The following THRAP3 variants were observed in gnomAD, a reference collection of about 807,000 sequenced individuals.
The protein encoded by THRAP3 is thyroid hormone receptor associated protein 3.
In THRAP3, 16 loss-of-function variants were observed where a neutral mutation model predicts 101.0. The observed-to-expected ratio is 0.16, with a 90% confidence interval of 0.11 to 0.24. THRAP3 has a LOEUF of 0.24. Among genes scored for constraint, THRAP3 ranks in the 10% least tolerant of loss-of-function variants. The pLI is 1.00. For missense variants in THRAP3, 989 were observed against 1,202.7 expected, an observed-to-expected ratio of 0.82 and a Z score of 2.63; for synonymous variants, 407 against 422.6, an observed-to-expected ratio of 0.96 and a Z score of 0.45.
At chr1:36,231,060 A>G (rs560057647) in intron 1 of THRAP3, among the ~76,000 whole-genome samples, 31 of 152,090 alleles carry the variant, frequency 2.0e-4, no homozygotes, top group African/African-American at 2.4e-4. Context: ...TTACTTGTCT[A>G]TTTTCCATCT....
intron 1 of THRAP3, among the ~76,000 whole-genome samples, chr1:36,250,932 A>G (rs746576221): frequency 2.6e-5 from 4 of 151,326 alleles, no homozygotes; most frequent in Non-Finnish European, 5.9e-5. Context: ...TTTTTAGTAG[A>G]GATGGGGTTT....
chr1:36,237,898 T>C (rs750599906), intron 1 of THRAP3, among the ~76,000 whole-genome samples: 4 of 152,232 alleles, frequency 2.6e-5, no homozygotes, highest in Admixed American at 6.5e-5. Context: ...CATAGCTGAC[T>C]GTAGCCTCAA....
At chr1:36,240,424 TGAGA>T (rs957122138) in intron 1 of THRAP3, among the ~76,000 whole-genome samples, 4 of 152,128 alleles carry the variant, frequency 2.6e-5, no homozygotes, top group Admixed American at 2.6e-4. Flanking sequence ...TGTCACAGCA[TGAGA>T]GAGAGAGCAG....
At chr1:36,234,777 CCTCTT>C (rs1645065696) in intron 1 of THRAP3, among the ~76,000 whole-genome samples, 1 of 148,730 alleles carries the variant, frequency 6.7e-6, no homozygotes, top group Non-Finnish European at 1.5e-5. Context: ...ACCTAGCTTG[CCTCTT>C]CTCTTCCTTT....
At position 36,282,524 on chromosome 1, in the gene THRAP3, T is replaced by C; in HGVS notation, c.-31-9T>C. 2 of 1,593,936 alleles carry C rather than the reference T, an allele frequency of 1.3e-6. No individual in the cohort carries two copies. The highest frequency in any genetic ancestry group is 2.2e-5 in the East Asian group (1 of 44,592). On this transcript the variant is annotated splice_polypyrimidine_tract_variant and intron_variant, in intron 2 of 11. Coordinates refer to ENST00000354618, the MANE Select transcript of THRAP3 (RefSeq NM_005119.4). The stretch of plus-strand genomic sequence containing the variant: ...CACTCATTTGTTCTAATGCATTTTC[T>C]TACATTAGGTGTAATTGAAAAGTGA...
chr1:36,250,807 C>T (rs747736983), intron 1 of THRAP3, among the ~76,000 whole-genome samples: 20 of 151,910 alleles, frequency 1.3e-4, no homozygotes, highest in Non-Finnish European at 2.5e-4. Flanking sequence ...CATCTATTGG[C>T]GCAATCTCAG....
the THRAP3 span, among the ~76,000 whole-genome samples, chr1:36,210,655 A>C: frequency 1.1e-5 from 1 of 91,326 alleles, no homozygotes; most frequent in Admixed American, 1.2e-4. Flanking sequence ...GCTCCACTGC[A>C]CTCTAGCCTG....
intron 1 of THRAP3, among the ~76,000 whole-genome samples, 183 bp from the exon 2 acceptor site, chr1:36,259,199 G>A (rs1271625808): frequency 1.3e-5 from 2 of 152,170 alleles, no homozygotes; most frequent in Admixed American, 6.5e-5. Flanking sequence ...ACTGTAGGAG[G>A]TTAGATGAAT....
rs1012167942 is a variant in THRAP3 at position 36,293,948 on chromosome 1, T to A, written c.2115+13T>A. The A allele has an allele frequency of 1.1e-5, 18 of 1,611,540 alleles. No homozygotes were observed. Among genetic ancestry groups the A allele is most frequent in the Non-Finnish European group, 1.5e-5 (18 of 1,178,008 alleles). ...ACCTGGCTACAAGGTGAACTGTTGA[T>A]TTGATCAGTAATTCCAACAAAATGA... On this transcript the variant is annotated intron_variant, in intron 8 of 11. Transcript: ENST00000354618.
At chr1:36,298,416 G>A (rs925956866) in intron 9 of THRAP3, among the ~76,000 whole-genome samples, 6 of 152,154 alleles carry the variant, frequency 3.9e-5, no homozygotes, top group African/African-American at 1.2e-4. Flanking sequence ...TCCTCTCCCT[G>A]GAACACATGC....
intron 7 of THRAP3, 41 bp downstream of exon 7, chr1:36,292,750 C>A (rs372972026): frequency 3.1e-5 from 45 of 1,474,636 alleles, no homozygotes; most frequent in Non-Finnish European, 4.2e-5. Flanking sequence ...TAATAAAAGA[C>A]TTTGTATCAG....
At chr1:36,261,069 T>C (rs1214198973) in intron 2 of THRAP3, among the ~76,000 whole-genome samples, 1 of 152,154 alleles carries the variant, frequency 6.6e-6, no homozygotes, top group Non-Finnish European at 1.5e-5. Flanking sequence ...GTGTAAATCT[T>C]CCACAATACA....
Position 36,304,118 on chromosome 1 carries a change from T to C in THRAP3, c.*101T>C, listed in dbSNP as rs1347127834. 3 of 1,421,134 alleles carry C rather than the reference T, an allele frequency of 2.1e-6. No homozygotes were observed. The highest frequency in any genetic ancestry group is 3.0e-5 in the Admixed American group (1 of 32,854). 88.0% of individuals were successfully genotyped at this position (1,421,134 alleles called of 1,614,324 possible). ...AACCTCAAGAAGATTCTGAAAATCC[T>C]ACCCCCACCCCCCACCAGCCGCACA... On this transcript the variant is annotated 3_prime_UTR_variant, in exon 12 of 12. Transcript: ENST00000354618.
chr1:36,273,489 A>C (rs569653862), intron 2 of THRAP3, among the ~76,000 whole-genome samples: 6 of 152,342 alleles, frequency 3.9e-5, no homozygotes, highest in African/African-American at 1.4e-4. Context: ...TGCAAGACTG[A>C]ATGCTTTCTC....
At chr1:36,302,395 A>G (rs558629370) in intron 11 of THRAP3, among the ~76,000 whole-genome samples, 3 of 152,334 alleles carry the variant, frequency 2.0e-5, no homozygotes, top group Non-Finnish European at 4.4e-5. Context: ...GTGGATGGCT[A>G]TGCGTGGCCA....
At chr1:36,262,384 A>G (rs1263059193) in intron 2 of THRAP3, among the ~76,000 whole-genome samples, 1 of 152,248 alleles carries the variant, frequency 6.6e-6, no homozygotes, top group Non-Finnish European at 1.5e-5. Flanking sequence ...CCACATTCCA[A>G]ACATAATACA....
At chr1:36,269,306 A>ATG (rs1266639465) in intron 2 of THRAP3, among the ~76,000 whole-genome samples, 2 of 152,238 alleles carry the variant, frequency 1.3e-5, no homozygotes, top group Non-Finnish European at 1.5e-5. Context: ...CGGACACCAT[A>ATG]GAGTTAGAAG....
At chr1:36,222,594 G>T (rs746824937), upstream of THRAP3, among the ~76,000 whole-genome samples, 18 of 151,972 alleles carry the variant, frequency 1.2e-4, no homozygotes, top group Admixed American at 4.6e-4. Flanking sequence ...TTTTAGTAGA[G>T]AACGGGTTTC....
chr1:36,286,559 A>C lies in THRAP3; in HGVS notation c.329A>C (p.Asn110Thr). Residue 110 changes from asparagine to threonine, a missense_variant, in exon 4 of 12, where the codon AAT (asparagine) becomes ACT (threonine). Physicochemically the swap from Asn to Thr is moderately conservative, Grantham distance 65. Coordinates refer to ENST00000354618, the MANE Select transcript of THRAP3 (RefSeq NM_005119.4). This position sits in a 1 kb window ranked among gnomAD's most constrained non-coding sequence, Gnocchi z 5.5. ...NRGGYGNYRS[N>T]WQNYRQAYSP... The stretch of plus-strand genomic sequence containing the variant: ...GGAGGCTATGGAAACTACCGCTCAA[A>C]TTGGCAGAATTACCGGCAAGCATAC... 6.2e-7 allele frequency: 1 copy of C among 1,614,104 alleles called. No homozygotes were observed. The highest frequency in any genetic ancestry group is 1.6e-4 in the Middle Eastern group (1 of 6,062).
Sources: gnomAD v4.1 joint callset for allele counts (sites outside exome capture counted in the v4.1 genomes callset) on GRCh38, gnomAD v4.1.1 for gene constraint, Gnocchi (gnomAD v3.1) non-coding constraint, MANE v1.5 for transcripts, NCBI Gene and HGNC (gene_info 2026-07-23, HGNC 2026-07-21) for gene names.